Variants in COL4A1 observed in about 807,000 individuals in gnomAD.
COL4A1 encodes collagen alpha-1(IV) chain.
In COL4A1, 40 loss-of-function variants were observed where a neutral mutation model predicts 216.6. The observed-to-expected ratio is 0.18, with a 90% CI of 0.14 to 0.24. The LOEUF (loss-of-function observed/expected upper bound fraction) is 0.24. Ranked by LOEUF, COL4A1 falls within the 10% of genes least tolerant of loss-of-function variation. COL4A1 has a pLI of 1.00. For missense variants in COL4A1, 1,628 were observed against 2,196.8 expected (o/e 0.74, Z 5.18); for synonymous variants, 839 against 810.7 (o/e 1.03, Z -0.59).
intron 1 of COL4A1, among the ~76,000 whole-genome samples, chr13:110,261,035 T>TAAAAAAAAAAAAAAAAAAAAAAA (rs1303970828): frequency 4.7e-5 from 2 of 42,170 alleles, no homozygotes; most frequent in Non-Finnish European, 9.4e-5. Context: ...AGACTCCGTC[T>TAAAAAAAAAAAAAAAAAAAAAAA]CAAAAAAAAA....
intron 2 of COL4A1, among the ~76,000 whole-genome samples, 200 bp from the exon 3 acceptor site, chr13:110,214,215 C>T (rs1346885095): frequency 2.6e-5 from 4 of 152,106 alleles, no homozygotes; most frequent in African/African-American, 7.2e-5. Context: ...CTCAGCCTCC[C>T]GGGTAGCTGG....
rs543710958 is a variant in COL4A1, at chr13:110,231,540, T to TC, written c.144+11134dup. Reference sequence around the variant, plus strand: ...CATTCTCGCAGCCGTGCCTTCTCCCTCCCTGGAGGTCTTAGCAGAGTGTTC... The same window carrying TC: ...CATTCTCGCAGCCGTGCCTTCTCCCTCCCCTGGAGGTCTTAGCAGAGTGTTC... On this transcript the variant is annotated intron_variant, in intron 2 of 51. Transcript: ENST00000375820. 1.4e-4 allele frequency among the ~76,000 whole-genome samples: 22 copies of TC among 152,248 alleles called. No individual in the cohort carries two copies. The South Asian group carries it at 4.6e-3, about 32-fold the overall frequency.
At chr13:110,197,510 A>G (rs1878960160) in intron 21 of COL4A1, among the ~76,000 whole-genome samples, 1 of 152,100 alleles carries the variant, frequency 6.6e-6, no homozygotes. Context: ...CAGGACTGCA[A>G]TATTTTATCT....
chr13:110,262,579 A>G (rs967054002), intron 1 of COL4A1, among the ~76,000 whole-genome samples: 16 of 152,184 alleles, frequency 1.1e-4, no homozygotes, highest in Admixed American at 2.0e-4. Flanking sequence ...AAGATCAACA[A>G]TCTCGGAGTG....
In COL4A1 at chr13:110,161,304, C is replaced by T. The variant is rs759921428; in HGVS notation, c.4528G>A (p.Val1510Met). Residue 1510 changes from valine to methionine, a missense_variant, in exon 49 of 52, where the codon GTG (valine) becomes ATG (methionine). Coordinates refer to ENST00000375820, the MANE Select transcript of COL4A1 (RefSeq NM_001845.6). ...MPFLFCNINN[V>M]CNFASRNDYS... ...TCATTTCGTGATGCAAAGTTGCACA[C>T]GTTGTTAATATTGCAGAACAGGAAG... 3.1e-6 allele frequency: 5 copies of T among 1,614,174 alleles called. No individual in the cohort carries two copies. The highest frequency in any genetic ancestry group is 4.2e-6 in the Non-Finnish European group (5 of 1,180,036).
At chr13:110,213,747 T>A (rs1879933058) in intron 4 of COL4A1, 35 bp downstream of exon 4, 1 of 1,610,760 alleles carries the variant, frequency 6.2e-7, no homozygotes, top group Non-Finnish European at 8.5e-7. Flanking sequence ...GTCCCACGCA[T>A]GGAATCATCG....
intron 36 of COL4A1, among the ~76,000 whole-genome samples, chr13:110,176,066 C>T (rs1368693118): frequency 6.6e-6 from 1 of 152,214 alleles, no homozygotes; most frequent in Admixed American, 6.5e-5. Context: ...TGAACTAACA[C>T]AAAGGGCTCT....
chr13:110,235,809 T>C (rs1030989539), intron 2 of COL4A1, among the ~76,000 whole-genome samples: 6 of 152,262 alleles, frequency 3.9e-5, no homozygotes, highest in Admixed American at 1.3e-4. Context: ...TCTATCTATA[T>C]GGTGGAATAT....
At chr13:110,164,798 AG>A in intron 46 of COL4A1, 63 bp downstream of exon 46, 2 of 1,591,712 alleles carry the variant, frequency 1.3e-6, no homozygotes, top group Non-Finnish European at 1.7e-6. Flanking sequence ...ATGGGTGAGG[AG>A]GAACTCTGAC....
At position 110,167,507 on chromosome 13, in the gene COL4A1, T is replaced by C. The variant is rs1470428; in HGVS notation, c.3877-277A>G. Among the ~76,000 whole-genome samples the C allele has an allele frequency of 0.15, 23,233 of 152,132 alleles. 2,368 individuals carry two copies. The highest frequency in any genetic ancestry group is 0.28 in the African/African-American group (11,728 of 41,456). ...GCGCCTGAGGAGCAGGCAAATGTCC[T>C]GCCCTTGCCACCTCCAGCTCACAGC... On this transcript the variant is annotated intron_variant, in intron 43 of 51. Coordinates refer to ENST00000375820, the MANE Select transcript of COL4A1 (RefSeq NM_001845.6).
chr13:110,224,149 G>A (rs550016499), intron 2 of COL4A1, among the ~76,000 whole-genome samples: 1 of 152,210 alleles, frequency 6.6e-6, no homozygotes, highest in South Asian at 2.1e-4. Flanking sequence ...ATGAAATCAC[G>A]CCTCTGCTCA....
At position 110,198,598 on chromosome 13, in the gene COL4A1, C is replaced by A; in HGVS notation, c.1154G>T (p.Gly385Val). 6.2e-7 allele frequency: 1 copy of A among 1,614,056 alleles called. No individual in the cohort carries two copies. The highest frequency in any genetic ancestry group is 8.5e-7 in the Non-Finnish European group (1 of 1,180,036). Residue 385 changes from glycine to valine, a missense_variant, in exon 21 of 52, where the codon GGC (glycine) becomes GTC (valine). Gly to Val is a moderately radical substitution (Grantham distance 109, BLOSUM62 -3). Coordinates refer to ENST00000375820, the MANE Select transcript of COL4A1 (RefSeq NM_001845.6). ...TTTTTCTCCTCTTTCACCAGGGAAG[C>A]CAGGGGCACCAGCCTGCCCAGGTAC... is the stretch of plus-strand genomic sequence containing the variant. The part of the protein sequence containing the change: ...LPVPGQAGAP[G>V]FPGERGEKGD...
At position 110,163,001 on chromosome 13, in the gene COL4A1, G is replaced by A. The variant is rs1453888183; in HGVS notation, c.4249+462C>T. Among the ~76,000 whole-genome samples, 4 of 152,212 alleles carry A rather than the reference G, an allele frequency of 2.6e-5. No individual in the cohort carries two copies. The East Asian group carries it at 7.7e-4, about 29-fold the overall frequency. ...ACTGTGCCCAGGTCTGCTGGGCTGA[G>A]CTCTTTGTTCAATTAGTCAGTGGCC... On this transcript the variant is annotated intron_variant, in intron 47 of 51. Transcript: ENST00000375820.
rs1027411573 is a variant in COL4A1, at chr13:110,286,410, C to T, written c.84+20534G>A. On this transcript the variant is annotated intron_variant, in intron 1 of 51. Transcript: ENST00000375820. ...GCCATGCCTGGAGGGGCCCGCTGTC[C>T]GGTCAGGCCCAGACAGGAGCCTCAG... Among the ~76,000 whole-genome samples, 12 of 152,320 alleles carry T rather than the reference C, an allele frequency of 7.9e-5. 1 individual carries two copies. Among genetic ancestry groups the T allele is most frequent in the Admixed American group, 5.2e-4 (8 of 15,302 alleles).
chr13:110,189,507 C>T (rs1306890635), intron 24 of COL4A1, among the ~76,000 whole-genome samples: 1 of 152,170 alleles, frequency 6.6e-6, no homozygotes, highest in Admixed American at 6.5e-5. Flanking sequence ...TCTAATGCCC[C>T]TTATGACCTG....
intron 1 of COL4A1, among the ~76,000 whole-genome samples, chr13:110,287,753 T>C (rs564553450): frequency 6.6e-6 from 1 of 152,164 alleles, no homozygotes; most frequent in East Asian, 1.9e-4. Context: ...AGGAAGCACA[T>C]GAGAGCCCAA....
intron 1 of COL4A1, among the ~76,000 whole-genome samples, chr13:110,288,181 T>C (rs982751697): frequency 2.0e-5 from 3 of 151,500 alleles, no homozygotes; most frequent in Admixed American, 6.6e-5. Flanking sequence ...GGAGAATAAC[T>C]TGAACACGGG....
intron 2 of COL4A1, among the ~76,000 whole-genome samples, chr13:110,215,005 T>C (rs750476451): frequency 3.9e-5 from 6 of 152,240 alleles, no homozygotes; most frequent in Admixed American, 1.3e-4. Context: ...AAATAATTTC[T>C]TGGGTAAATA....
At chr13:110,298,701 A>T (rs890297045) in intron 1 of COL4A1, 53 of 152,222 alleles carry the variant, frequency 3.5e-4, no homozygotes, top group African/African-American at 1.3e-3. Context: ...GGTGGGAGGG[A>T]GGCAGAGGAC....
Sources: allele counts gnomAD v4.1 joint callset (sites outside exome capture counted in the v4.1 genomes callset), GRCh38; gene constraint gnomAD v4.1.1; transcripts MANE v1.5; gene names NCBI Gene and HGNC (gene_info 2026-07-23, HGNC 2026-07-21).